GPR83: variants seen among roughly 807,000 people sequenced by gnomAD.
GPR83 encodes the protein G-protein coupled receptor 72.
Under a neutral mutation model 28.0 loss-of-function variants are expected in GPR83, and 23 were observed. That is an observed-to-expected ratio of 0.82 (90% CI 0.59 to 1.16). GPR83 has a LOEUF of 1.16. Ranked by LOEUF, GPR83 falls within the 50% of genes most tolerant of loss-of-function variation. GPR83 has a pLI of 0.00. For synonymous variants in GPR83, 234 were observed against 215.4 expected (o/e 1.09, Z -0.76); for missense variants, 610 against 536.6 (o/e 1.14, Z -1.35).
chr11:94,389,028 C>T (rs1423261374), intron 3 of GPR83, among the ~76,000 whole-genome samples: 4 of 152,122 alleles, frequency 2.6e-5, no homozygotes, highest in Admixed American at 6.5e-5. Flanking sequence ...CACGTATCTA[C>T]AACTATCTGG....
intron 3 of GPR83, among the ~76,000 whole-genome samples, chr11:94,385,290 C>G (rs551716147): frequency 8.4e-4 from 128 of 152,280 alleles, no homozygotes; most frequent in Non-Finnish European, 1.5e-3. Flanking sequence ...AATCAGAGCA[C>G]CTCTCCTCCT....
intron 3 of GPR83, among the ~76,000 whole-genome samples, chr11:94,393,202 C>T (rs371814329): frequency 5.9e-5 from 9 of 152,282 alleles, no homozygotes; most frequent in East Asian, 5.8e-4. Context: ...TGCGTAAGTA[C>T]GGCACCCTGG....
chr11:94,378,300 G>A lies in GPR83; in HGVS notation c.*1849C>T, dbSNP rs1202981534. On this transcript the variant is annotated 3_prime_UTR_variant, in exon 4 of 4. Transcript: ENST00000243673. ...TTCAGTTTCAGTTAACAGCCAAGAG[G>A]TCTAAGTGACAAACTCTTTCTCCCT... 1 of 152,212 alleles carries A rather than the reference G, an allele frequency of 6.6e-6. No individual in the cohort carries two copies. Among genetic ancestry groups the A allele is most frequent in the South Asian group, 2.1e-4 (1 of 4,832 alleles). 9.4% of individuals were successfully genotyped at this position (152,212 alleles called of 1,614,324 possible).
chr11:94,379,718 T>C lies in GPR83; in HGVS notation c.*431A>G, dbSNP rs2134678842. On this transcript the variant is annotated 3_prime_UTR_variant, in exon 4 of 4. Transcript: ENST00000243673. The stretch of plus-strand genomic sequence containing the variant: ...GGCTTGCTGGCATTTCCCTGGCCCG[T>C]GTACCTGTTTCAAGCAGAGCTCTGT... The C allele has an allele frequency of 6.5e-6, 1 of 154,674 alleles. No individual in the cohort carries two copies. The highest frequency in any genetic ancestry group is 2.4e-5 in the African/African-American group (1 of 41,616). 9.6% of individuals were successfully genotyped at this position (154,674 alleles called of 1,614,324 possible). A position where few individuals can be genotyped will look rare whatever the true frequency, so the allele number is the denominator to read the frequency against.
chr11:94,394,887 T>C (rs1944851726), intron 2 of GPR83, among the ~76,000 whole-genome samples: 1 of 152,148 alleles, frequency 6.6e-6, no homozygotes, highest in Non-Finnish European at 1.5e-5. Context: ...TTGCCCCCAC[T>C]CCCCAGACCC....
At chr11:94,397,150 G>T (rs571102551) in intron 1 of GPR83, among the ~76,000 whole-genome samples, 6 of 152,244 alleles carry the variant, frequency 3.9e-5, no homozygotes, top group African/African-American at 1.2e-4. Flanking sequence ...ATCTGGGGAG[G>T]ACACCCAGGG....
intron 3 of GPR83, among the ~76,000 whole-genome samples, chr11:94,387,500 C>T (rs1266358104): frequency 4.6e-5 from 7 of 152,114 alleles, no homozygotes; most frequent in Admixed American, 2.6e-4. Context: ...GCAGATATCA[C>T]CACTAATCCC....
chr11:94,384,657 C>A (rs992700718), intron 3 of GPR83, among the ~76,000 whole-genome samples: 1 of 152,160 alleles, frequency 6.6e-6, no homozygotes, highest in Non-Finnish European at 1.5e-5. Flanking sequence ...GGGGGAGGAG[C>A]GTCCGCCATT....
intron 2 of GPR83, among the ~76,000 whole-genome samples, chr11:94,395,946 A>G (rs571172930): frequency 6.6e-6 from 1 of 152,394 alleles, no homozygotes; most frequent in East Asian, 1.9e-4. Context: ...ATGGCCGGGC[A>G]TGGTGGCTCA....
At chr11:94,383,036 C>T (rs568802855) in intron 3 of GPR83, among the ~76,000 whole-genome samples, 8 of 151,780 alleles carry the variant, frequency 5.3e-5, no homozygotes, top group African/African-American at 9.7e-5. Context: ...GGCTTGGTAG[C>T]GGGCACCTGT....
intron 1 of GPR83, among the ~76,000 whole-genome samples, chr11:94,400,398 T>G (rs1294219040): frequency 2.1e-5 from 3 of 144,270 alleles, no homozygotes; most frequent in Admixed American, 6.9e-5. Flanking sequence ...AATCAGAGAG[T>G]GAGGCAGGGG....
At position 94,393,596 on chromosome 11, in the gene GPR83, G is replaced by A. The variant is rs1944839489; in HGVS notation, c.536C>T (p.Pro179Leu). The change falls in exon 3 of 4, where the codon CCC becomes CTC. Residue 179 changes from proline (P) to leucine (L), a missense_variant. Physicochemically the swap from Pro to Leu is moderately conservative, Grantham distance 98 (BLOSUM62 -3). Coordinates refer to ENST00000243673, the MANE Select transcript of GPR83 (RefSeq NM_016540.4). ...GACACCCTTTGTGATTGAGATCCGG[G>A]GTTTCAAGGGGTGCATGATGACCTG... ...RHQVIMHPLK[P>L]RISITKGVIY... is the part of the protein sequence containing the mutation. 1 of 1,613,910 alleles carries A rather than the reference G, an allele frequency of 6.2e-7. No homozygotes were observed. The highest frequency in any genetic ancestry group is 8.5e-7 in the Non-Finnish European group (1 of 1,179,854).
At position 94,396,417 on chromosome 11, in the gene GPR83, A is replaced by G. The variant is rs778955818; in HGVS notation, c.495T>C (p.Ile165=). The change falls in exon 2 of 4, where the codon ATT becomes ATC. Residue 165 remains isoleucine, a synonymous_variant. Transcript: ENST00000243673. ...CCCTCACCTGGTGGCGATCCACCGC[A>G]ATGGCTGTCAGTGTCAGTGCTGAGA... The part of the protein sequence containing the change: ...LHVSALTLTA[I]AVDRHQVIMH... The G allele has an allele frequency of 2.9e-5, 47 of 1,613,832 alleles. No homozygotes were observed. In the Admixed American group the frequency reaches 7.8e-4, roughly 27 times the overall value.
intron 3 of GPR83, among the ~76,000 whole-genome samples, chr11:94,391,128 A>G (rs1944812627): frequency 6.6e-6 from 1 of 152,222 alleles, no homozygotes; most frequent in Admixed American, 6.5e-5. Context: ...AAACAGAGAT[A>G]TAGACCAATG....
rs1944668270 is a variant in GPR83 at position 94,379,987 on chromosome 11, C to G, written c.*162G>C. On this transcript the variant is annotated 3_prime_UTR_variant, in exon 4 of 4. Coordinates refer to ENST00000243673, the MANE Select transcript of GPR83 (RefSeq NM_016540.4). ...TGGTGGTGCCTTTTAGTTTTCACAT[C>G]ACATGGGGCTAGGAGGCTGGACAGT... 1 of 483,692 alleles carries G rather than the reference C, an allele frequency of 2.1e-6. No individual in the cohort carries two copies. Among genetic ancestry groups the G allele is most frequent in the Non-Finnish European group, 3.5e-6 (1 of 284,618 alleles). 30.0% of individuals were successfully genotyped at this position (483,692 alleles called of 1,614,324 possible).
Position 94,400,908 on chromosome 11 carries a change from C to A in GPR83, c.340G>T (p.Ala114Ser). Residue 114 changes from alanine (A) to serine (S), a missense_variant, in exon 1 of 4, where the codon GCA becomes TCA. By Grantham distance (99) the Ala-to-Ser change is moderately conservative. Coordinates refer to ENST00000243673, the MANE Select transcript of GPR83 (RefSeq NM_016540.4). ...SATSLFIVNL[A>S]VADIMITLLN... Reference sequence around the variant, plus strand: ...AGCGTGATCATTATGTCGGCAACTGCCAGGTTGACGATGAAGAGGCTGGTG... The same window carrying A: ...AGCGTGATCATTATGTCGGCAACTGACAGGTTGACGATGAAGAGGCTGGTG... The A allele has an allele frequency of 6.2e-7, 1 of 1,614,048 alleles. No individual in the cohort carries two copies. Among genetic ancestry groups the A allele is most frequent in the South Asian group, 1.1e-5 (1 of 91,072 alleles).
intron 3 of GPR83, among the ~76,000 whole-genome samples, chr11:94,387,910 A>G (rs566080003): frequency 1.6e-4 from 25 of 152,348 alleles, no homozygotes; most frequent in Admixed American, 9.8e-4. Flanking sequence ...ACGAACATCA[A>G]TGCAAAAATC....
chr11:94,391,700 C>T (rs535338685), intron 3 of GPR83, among the ~76,000 whole-genome samples: 12 of 152,182 alleles, frequency 7.9e-5, no homozygotes, highest in East Asian at 5.8e-4. Flanking sequence ...GACATTTATG[C>T]AGCCAAGAGA....
Position 94,380,358 on chromosome 11 carries a change from C to G in GPR83, c.1063G>C (p.Glu355Gln). ...YCWLNENFRI[E>Q]LKALLSMCQR... ...CACATGCTCAGTAATGCCTTTAGCT[C>G]AATCCTGAAGTTCTCGTTCAGCCAG... Residue 355 changes from glutamate to glutamine, a missense_variant, in exon 4 of 4, where the codon GAG becomes CAG. By Grantham distance (29) the Glu-to-Gln change is conservative. Coordinates refer to ENST00000243673, the MANE Select transcript of GPR83 (RefSeq NM_016540.4). 1 of 1,614,046 alleles carries G rather than the reference C, an allele frequency of 6.2e-7. No homozygotes were observed. The highest frequency in any genetic ancestry group is 2.2e-5 in the East Asian group (1 of 44,882).
Sources: allele counts gnomAD v4.1 joint callset (sites outside exome capture counted in the v4.1 genomes callset), GRCh38; gene constraint gnomAD v4.1.1; transcripts MANE v1.5; gene names NCBI Gene and HGNC (gene_info 2026-07-23, HGNC 2026-07-21).